LRRTM4: variants seen among roughly 807,000 people sequenced by gnomAD.
LRRTM4 encodes the protein leucine-rich repeat transmembrane neuronal protein 4.
In LRRTM4, 25 loss-of-function variants were observed where a neutral mutation model predicts 47.6. The ratio of observed to expected loss-of-function variants is 0.53; its 90% CI spans 0.38 to 0.73. The LOEUF (loss-of-function observed/expected upper bound fraction) is 0.73, where lower values mean the gene tolerates loss of function less well. Ranked by LOEUF, LRRTM4 falls within the 30% of genes least tolerant of loss-of-function variation. The pLI is 0.00. For missense variants in LRRTM4, 638 were observed against 713.4 expected (o/e 0.89, Z 1.20); for synonymous variants, 311 against 269.5 (o/e 1.15, Z -1.51).
intron 3 of LRRTM4, among the ~76,000 whole-genome samples, chr2:77,408,708 C>A (rs1206792675): frequency 1.3e-5 from 2 of 152,126 alleles, no homozygotes; most frequent in African/African-American, 2.4e-5. Context: ...CCATTGTGGC[C>A]CTTGTGCTCT....
At chr2:77,105,101 A>C (rs2103919946) in intron 3 of LRRTM4, among the ~76,000 whole-genome samples, 1 of 152,292 alleles carries the variant, frequency 6.6e-6, no homozygotes, top group South Asian at 2.1e-4. Flanking sequence ...GAAACCATTT[A>C]GATTAAGAGA....
At chr2:77,074,608 G>A (rs1680272042) in intron 3 of LRRTM4, among the ~76,000 whole-genome samples, 1 of 151,996 alleles carries the variant, frequency 6.6e-6, no homozygotes, top group Non-Finnish European at 1.5e-5. Context: ...ATATCTGGCT[G>A]GATATATTTT....
Position 76,807,699 on chromosome 2 carries a change from C to T in LRRTM4, c.1552-58783G>A, listed in dbSNP as rs1010664316. On this transcript the variant is annotated intron_variant, in intron 3 of 3. Coordinates refer to ENST00000409884, the MANE Select transcript of LRRTM4 (RefSeq NM_001134745.3). ...CTCTGCCTCCCAGGTTCAAGAGATT[C>T]TTCTGCCTCAGCCTCCCGAGTAGTT... Among the ~76,000 whole-genome samples the T allele has an allele frequency of 6.6e-5, 10 of 150,718 alleles. No individual in the cohort carries two copies. In the East Asian group the frequency reaches 2.0e-3, roughly 30 times the overall value.
intron 3 of LRRTM4, among the ~76,000 whole-genome samples, chr2:77,450,512 A>G (rs950947922): frequency 6.6e-6 from 1 of 152,198 alleles, no homozygotes; most frequent in Admixed American, 6.5e-5. Flanking sequence ...TTTTAACTAA[A>G]TACTTTTTGT....
chr2:77,009,414 T>G (rs1470623354), intron 3 of LRRTM4: 1 of 152,116 alleles, frequency 6.6e-6, no homozygotes, highest in Non-Finnish European at 1.5e-5. Flanking sequence ...TCAAAAGCGA[T>G]TACAAGCATG....
At chr2:76,883,408 C>T (rs1371562488) in intron 3 of LRRTM4, among the ~76,000 whole-genome samples, 2 of 152,190 alleles carry the variant, frequency 1.3e-5, no homozygotes, top group Non-Finnish European at 2.9e-5. Flanking sequence ...GAGTTCTACA[C>T]TTCACCTTTA....
At chr2:76,947,440 T>C (rs1675358765) in intron 3 of LRRTM4, among the ~76,000 whole-genome samples, 1 of 151,896 alleles carries the variant, frequency 6.6e-6, no homozygotes, top group Non-Finnish European at 1.5e-5. Flanking sequence ...ATACACTAAA[T>C]ACAATAATGT....
At chr2:76,751,727 A>G (rs1487923444) in intron 3 of LRRTM4, among the ~76,000 whole-genome samples, 1 of 152,122 alleles carries the variant, frequency 6.6e-6, no homozygotes, top group African/African-American at 2.4e-5. Flanking sequence ...TCAGGGTGTC[A>G]GATTCCTGGA....
chr2:77,445,085 T>A (rs1385068524), intron 3 of LRRTM4, among the ~76,000 whole-genome samples: 1 of 151,972 alleles, frequency 6.6e-6, no homozygotes, highest in Non-Finnish European at 1.5e-5. Flanking sequence ...TTTTTCTGGG[T>A]CTCAAGCATC....
Position 77,370,250 on chromosome 2 carries a change from C to T in LRRTM4, c.1551+148068G>A, listed in dbSNP as rs371989199. On this transcript the variant is annotated intron_variant, in intron 3 of 3. Transcript: ENST00000409884. ...CCTGGCATTTCCAGAGAGATGGACT[C>T]CCCTAAGGCTAATTCAAACTCATGC... is the stretch of plus-strand genomic sequence containing the variant. Among the ~76,000 whole-genome samples the T allele has an allele frequency of 1.3e-4, 20 of 151,638 alleles. No individual in the cohort carries two copies. The East Asian group carries it at 3.3e-3, about 25-fold the overall frequency.
intron 3 of LRRTM4, among the ~76,000 whole-genome samples, chr2:77,078,023 G>T (rs1680395456): frequency 2.0e-5 from 3 of 152,120 alleles, no homozygotes; most frequent in Non-Finnish European, 4.4e-5. Flanking sequence ...ACTACTTACA[G>T]GCAGTGAACT....
intron 3 of LRRTM4, among the ~76,000 whole-genome samples, chr2:77,342,238 C>T (rs561677038): frequency 2.5e-4 from 38 of 152,008 alleles, no homozygotes; most frequent in Middle Eastern, 3.4e-3. Flanking sequence ...CAATAGTATA[C>T]GTCAGTGGTT....
intron 3 of LRRTM4, among the ~76,000 whole-genome samples, chr2:76,781,912 C>T (rs1465227333): frequency 6.6e-6 from 1 of 152,172 alleles, no homozygotes; most frequent in African/African-American, 2.4e-5. Flanking sequence ...TCTGCTGCCT[C>T]TTGATCATCA....
chr2:77,246,779 T>C (rs1238968982), intron 3 of LRRTM4, among the ~76,000 whole-genome samples: 1 of 152,088 alleles, frequency 6.6e-6, no homozygotes, highest in Non-Finnish European at 1.5e-5. Flanking sequence ...GATAATAATA[T>C]GCCTATATAT....
At chr2:76,826,740 T>C (rs971506703) in intron 3 of LRRTM4, among the ~76,000 whole-genome samples, 80 of 151,940 alleles carry the variant, frequency 5.3e-4, no homozygotes, top group African/African-American at 1.7e-3. Flanking sequence ...CCAGGAAATA[T>C]GGGCATCACA....
At chr2:77,083,027 T>C (rs907708780) in intron 3 of LRRTM4, among the ~76,000 whole-genome samples, 5 of 152,220 alleles carry the variant, frequency 3.3e-5, no homozygotes, top group African/African-American at 1.2e-4. Context: ...TTATAACTTT[T>C]AAATATATCA....
intron 3 of LRRTM4, among the ~76,000 whole-genome samples, chr2:76,951,547 G>A (rs138459170): frequency 4.3e-4 from 66 of 152,080 alleles, no homozygotes; most frequent in African/African-American, 1.5e-3. Flanking sequence ...CACAGTAAGA[G>A]AGGTGAACCT....
intron 3 of LRRTM4, among the ~76,000 whole-genome samples, chr2:76,836,160 A>T (rs1671506366): frequency 7.5e-4 from 1 of 1,332 alleles, no homozygotes; most frequent in Non-Finnish European, 5.7e-3. Flanking sequence ...AGTATGCGGT[A>T]AAAAAAAAAA....
chr2:77,021,114 C>CTATG lies in LRRTM4; in HGVS notation c.1552-272199_1552-272198insCATA, dbSNP rs564818037. Among the ~76,000 whole-genome samples, 450 of 151,734 alleles carry CTATG rather than the reference C, an allele frequency of 3.0e-3. 6 individuals are homozygous for CTATG. Among genetic ancestry groups the CTATG allele is most frequent in the African/African-American group, 9.4e-3 (387 of 41,274 alleles). The stretch of plus-strand genomic sequence containing the variant: ...TCTCTGTATCTATCTATCTATGTAT[C>CTATG]TATCTATCTATCTATCTAGCCTTAT... On this transcript the variant is annotated intron_variant, in intron 3 of 3. Transcript: ENST00000409884.
Sources: allele counts gnomAD v4.1 joint callset (sites outside exome capture counted in the v4.1 genomes callset), GRCh38; gene constraint gnomAD v4.1.1; transcripts MANE v1.5; gene names NCBI Gene and HGNC (gene_info 2026-07-23, HGNC 2026-07-21).